Variants in MAL2 observed in about 807,000 individuals in gnomAD.
MAL2 encodes the protein mal, T cell differentiation protein 2.
Under a neutral mutation model 18.1 loss-of-function variants are expected in MAL2, and 17 were observed. The ratio of observed to expected loss-of-function variants is 0.94; its 90% confidence interval spans 0.64 to 1.41. The LOEUF is 1.41. MAL2 is among the 40% of genes most tolerant of loss of function. MAL2 has a pLI of 0.00. For missense variants in MAL2, 222 were observed against 231.9 expected, an observed-to-expected ratio of 0.96 and a Z score of 0.28; for synonymous variants, 102 against 102.3, an observed-to-expected ratio of 1.00 and a Z score of 0.02.
intron 2 of MAL2, among the ~76,000 whole-genome samples, chr8:119,222,880 C>T (rs2129816560): frequency 6.6e-6 from 1 of 151,002 alleles, no homozygotes; most frequent in Non-Finnish European, 1.5e-5. Context: ...AAAATTATGA[C>T]ACCATTAAAT....
At chr8:119,231,993 C>T (rs548483297) in intron 2 of MAL2, among the ~76,000 whole-genome samples, 1 of 152,130 alleles carries the variant, frequency 6.6e-6, no homozygotes, top group South Asian at 2.1e-4. Flanking sequence ...ATCTATTGTA[C>T]AGCATGGCAA....
rs1263938177 is a variant in MAL2 at position 119,235,773 on chromosome 8, T to C, written c.304-4392T>C. 7.3e-3 allele frequency among the ~76,000 whole-genome samples: 1,076 copies of C among 146,538 alleles called. 26 individuals carry two copies. The highest frequency in any genetic ancestry group is 0.025 in the African/African-American group (934 of 37,610). ...GGTTTTGTCACCACCAGGCCTGCCCTAAAAGAGCTCCTGAAGGAAGCACTA... is the reference window on the plus strand; with the variant it reads ...GGTTTTGTCACCACCAGGCCTGCCCCAAAAGAGCTCCTGAAGGAAGCACTA... On this transcript the variant is annotated intron_variant, in intron 2 of 3. Coordinates refer to ENST00000614891, the MANE Select transcript of MAL2 (RefSeq NM_052886.3).
intron 2 of MAL2, among the ~76,000 whole-genome samples, chr8:119,224,670 TAG>T (rs1817546009): frequency 2.0e-5 from 3 of 152,122 alleles, no homozygotes; most frequent in Non-Finnish European, 4.4e-5. Context: ...ACCCAACATG[TAG>T]TTTTTTTATC....
intron 1 of MAL2, among the ~76,000 whole-genome samples, chr8:119,210,777 C>T (rs936948683): frequency 1.3e-4 from 20 of 152,336 alleles, no homozygotes; most frequent in South Asian, 6.2e-4. Context: ...CTACGTAGAA[C>T]AGCATCACTT....
chr8:119,211,696 A>ATTTTTT (rs370258084), intron 1 of MAL2, among the ~76,000 whole-genome samples: 1 of 135,608 alleles, frequency 7.4e-6, no homozygotes, highest in African/African-American at 2.7e-5. Context: ...GTGCATAGTG[A>ATTTTTT]TTTTTTTTTT....
chr8:119,240,982 T>C (rs1818036443), intron 3 of MAL2, among the ~76,000 whole-genome samples: 2 of 152,164 alleles, frequency 1.3e-5, no homozygotes, highest in Non-Finnish European at 2.9e-5. Flanking sequence ...TTAGAGATCA[T>C]TGTTAAGATG....
At chr8:119,221,388 C>T in intron 1 of MAL2, 199 bp from the exon 2 acceptor site, 1 of 586,918 alleles carries the variant, frequency 1.7e-6, no homozygotes, top group Non-Finnish European at 3.0e-6. Context: ...GTTCTCCAAG[C>T]AGGAGGATTG....
chr8:119,223,023 A>G (rs75233488), intron 2 of MAL2, among the ~76,000 whole-genome samples: 1,961 of 152,276 alleles, frequency 0.013, 21 homozygotes, highest in Non-Finnish European at 0.02. Context: ...CCATTAGGTT[A>G]TGATCATACT....
intron 1 of MAL2, among the ~76,000 whole-genome samples, chr8:119,210,252 G>T (rs1817249395): frequency 6.6e-6 from 1 of 152,090 alleles, no homozygotes. Flanking sequence ...ATGTGTATAT[G>T]TAAATATATA....
intron 2 of MAL2, among the ~76,000 whole-genome samples, chr8:119,230,339 T>A (rs755355188): frequency 6.6e-6 from 1 of 150,390 alleles, no homozygotes; most frequent in Non-Finnish European, 1.5e-5. Flanking sequence ...CTATAAAAGA[T>A]GAAAGGGGAA....
chr8:119,225,736 A>G (rs1383285422), intron 2 of MAL2, among the ~76,000 whole-genome samples: 1 of 152,084 alleles, frequency 6.6e-6, no homozygotes, highest in Non-Finnish European at 1.5e-5. Flanking sequence ...ATTCCCACCA[A>G]CAGTGTAAAA....
At chr8:119,230,015 A>ATT (rs997931303) in intron 2 of MAL2, among the ~76,000 whole-genome samples, 1 of 152,162 alleles carries the variant, frequency 6.6e-6, no homozygotes, top group Non-Finnish European at 1.5e-5. Flanking sequence ...GACCCACCTG[A>ATT]TTTTTTGAGT....
intron 1 of MAL2, among the ~76,000 whole-genome samples, chr8:119,211,536 C>A (rs749875155): frequency 6.6e-6 from 1 of 152,102 alleles, no homozygotes; most frequent in Non-Finnish European, 1.5e-5. Flanking sequence ...TATTCATTCC[C>A]AATTCCCCTT....
rs1448365283 is a variant in MAL2, at chr8:119,234,027, C to T, written c.304-6138C>T. Among the ~76,000 whole-genome samples, 72 of 152,144 alleles carry T rather than the reference C, an allele frequency of 4.7e-4. 1 individual carries two copies. The highest frequency in any genetic ancestry group is 7.3e-5 in the Non-Finnish European group (5 of 68,036). On this transcript the variant is annotated intron_variant, in intron 2 of 3. Coordinates refer to ENST00000614891, the MANE Select transcript of MAL2 (RefSeq NM_052886.3). ...GAGTGACGCAGAAGACGGATGATTTCTGCATTTCCATCTGAGGTACCGGGT... is the reference window on the plus strand; with the variant it reads ...GAGTGACGCAGAAGACGGATGATTTTTGCATTTCCATCTGAGGTACCGGGT...
chr8:119,241,132 G>T (rs1818039535), intron 3 of MAL2, among the ~76,000 whole-genome samples: 1 of 152,120 alleles, frequency 6.6e-6, no homozygotes, highest in Non-Finnish European at 1.5e-5. Flanking sequence ...AATCTGTCTG[G>T]AGCAGCACTG....
At position 119,208,417 on chromosome 8, in the gene MAL2, A is replaced by AGGCGGAGGCGGGAGGC. The variant is rs1817216810; in HGVS notation, c.-50_-35dup. 3 of 1,004,832 alleles carry AGGCGGAGGCGGGAGGC rather than the reference A, an allele frequency of 3.0e-6. No individual in the cohort carries two copies. Among genetic ancestry groups the AGGCGGAGGCGGGAGGC allele is most frequent in the Non-Finnish European group, 3.6e-6 (3 of 822,850 alleles). 62.2% of individuals were successfully genotyped at this position (1,004,832 alleles called of 1,614,324 possible). ...GCGGCGGCGGCGGCAGGAGCCCGGG[A>AGGCGGAGGCGGGAGGC]GGCGGAGGCGGGAGGCGGCGGCGGC... On this transcript the variant is annotated 5_prime_UTR_variant, in exon 1 of 4. Coordinates refer to ENST00000614891, the MANE Select transcript of MAL2 (RefSeq NM_052886.3). This position sits in a 1 kb window ranked among gnomAD's most constrained non-coding sequence, Gnocchi z 4.3.
intron 2 of MAL2, 102 bp downstream of exon 2, chr8:119,221,859 G>T: frequency 8.0e-7 from 1 of 1,250,944 alleles, no homozygotes. Context: ...CCCCTAATGG[G>T]AGAGAAGCGG....
At chr8:119,222,049 A>G (rs752453134) in intron 2 of MAL2, among the ~76,000 whole-genome samples, 5 of 152,216 alleles carry the variant, frequency 3.3e-5, no homozygotes, top group East Asian at 1.9e-4. Flanking sequence ...TTGCATTACA[A>G]TTATCAAACA....
At chr8:119,223,983 A>G (rs1001475827) in intron 2 of MAL2, 3 of 152,182 alleles carry the variant, frequency 2.0e-5, no homozygotes, top group Admixed American at 2.0e-4. Flanking sequence ...TAATGGCTCA[A>G]AAATAGTTGT....
Sources: gnomAD v4.1 joint callset for allele counts (sites outside exome capture counted in the v4.1 genomes callset) on GRCh38, gnomAD v4.1.1 for gene constraint, Gnocchi (gnomAD v3.1) non-coding constraint, MANE v1.5 for transcripts, NCBI Gene and HGNC (gene_info 2026-07-23, HGNC 2026-07-21) for gene names.